The following PLCB4 variants were observed in gnomAD, a reference collection of about 807,000 sequenced individuals.
PLCB4 encodes the protein phospholipase C beta 4.
A neutral mutation model predicts 178.8 loss-of-function variants in PLCB4; 77 were observed. The observed-to-expected ratio is 0.43, with a 90% CI of 0.36 to 0.52. PLCB4 has a LOEUF of 0.52. Among genes scored for constraint, PLCB4 ranks in the 20% least tolerant of loss-of-function variants. The pLI is 0.00. For missense variants in PLCB4, 1,024 were observed against 1,453.4 expected, an observed-to-expected ratio of 0.70 and a Z score of 4.80; for synonymous variants, 496 against 490.8, an observed-to-expected ratio of 1.01 and a Z score of -0.14.
At chr20:9,382,021 A>C (rs2037183382) in intron 13 of PLCB4, among the ~76,000 whole-genome samples, 1 of 152,092 alleles carries the variant, frequency 6.6e-6, no homozygotes, top group Non-Finnish European at 1.5e-5. Flanking sequence ...AGAACTCTCC[A>C]TCTGGATGTT....
chr20:9,319,670 CAG>C (rs138164950), intron 4 of PLCB4, among the ~76,000 whole-genome samples: 4,729 of 152,242 alleles, frequency 0.031, 202 homozygotes, highest in African/African-American at 0.095. Context: ...CAGATCAAGA[CAG>C]AGTGAATTCA....
At chr20:9,087,245 A>G (rs1038313794) in intron 1 of PLCB4, among the ~76,000 whole-genome samples, 19 of 152,210 alleles carry the variant, frequency 1.2e-4, no homozygotes, top group African/African-American at 4.3e-4. Context: ...TGATATTTCT[A>G]TATCTTCTCA....
chr20:9,412,785 G>T (rs907451589), intron 25 of PLCB4, among the ~76,000 whole-genome samples: 3 of 152,154 alleles, frequency 2.0e-5, no homozygotes, highest in Admixed American at 6.5e-5. Flanking sequence ...TTTTCCATCT[G>T]CTGGCGCTCA....
chr20:9,121,371 C>T (rs898348934), intron 2 of PLCB4, among the ~76,000 whole-genome samples: 9 of 152,148 alleles, frequency 5.9e-5, no homozygotes, highest in African/African-American at 1.7e-4. Context: ...CTCTGAACGC[C>T]GCTTACGTGT....
intron 2 of PLCB4, among the ~76,000 whole-genome samples, chr20:9,203,056 A>AAAAAATATATAT (rs769628056): frequency 7.4e-4 from 93 of 126,134 alleles, no homozygotes; most frequent in African/African-American, 3.0e-3. Flanking sequence ...AAAAAAAAAA[A>AAAAAATATATAT]ATATATATAT....
In PLCB4 at chr20:9,338,001, T is replaced by C. The variant is rs2032696093; in HGVS notation, c.166-7T>C. 6.2e-7 allele frequency: 1 copy of C among 1,609,034 alleles called. No homozygotes were observed. Among genetic ancestry groups the C allele is most frequent in the African/African-American group, 1.3e-5 (1 of 74,798 alleles). ...GCTCATTGCTGTGTTGTATTCTCTC[T>C]CTTCAGGAAGGACAGGTGCTAGAAT... On this transcript the variant is annotated splice_region_variant and splice_polypyrimidine_tract_variant and intron_variant, in intron 5 of 39. Transcript: ENST00000378473.
At chr20:9,347,947 G>C (rs145845815) in intron 7 of PLCB4, among the ~76,000 whole-genome samples, 1 of 152,110 alleles carries the variant, frequency 6.6e-6, no homozygotes, top group East Asian at 1.9e-4. Flanking sequence ...GCACTCCAGC[G>C]TGGCAACAGA....
chr20:9,328,157 G>T (rs1043024299), intron 4 of PLCB4, among the ~76,000 whole-genome samples: 5 of 152,162 alleles, frequency 3.3e-5, no homozygotes, highest in African/African-American at 4.8e-5. Context: ...GGTAAATTTA[G>T]CAGGCAGCAA....
chr20:9,278,589 A>G (rs2094469098), intron 3 of PLCB4, among the ~76,000 whole-genome samples: 2 of 152,066 alleles, frequency 1.3e-5, no homozygotes, highest in Non-Finnish European at 2.9e-5. Context: ...GGCATGCTTT[A>G]CTAGATGCTG....
chr20:9,180,127 A>G (rs1157610869), intron 2 of PLCB4, among the ~76,000 whole-genome samples: 1 of 152,212 alleles, frequency 6.6e-6, no homozygotes, highest in Non-Finnish European at 1.5e-5. Context: ...CTGTGCATCA[A>G]AGTAAGAGAA....
At chr20:9,319,070 C>T (rs1045957526) in intron 4 of PLCB4, among the ~76,000 whole-genome samples, 1 of 152,160 alleles carries the variant, frequency 6.6e-6, no homozygotes, top group African/African-American at 2.4e-5. Context: ...TCTCTTTGCA[C>T]ACCTCTTTGG....
At chr20:9,210,045 T>C (rs2093657340) in intron 2 of PLCB4, among the ~76,000 whole-genome samples, 1 of 150,736 alleles carries the variant, frequency 6.6e-6, no homozygotes. Flanking sequence ...AGCTATGAGC[T>C]AATGAATGTG....
At chr20:9,246,962 G>T (rs549664437) in intron 3 of PLCB4, among the ~76,000 whole-genome samples, 1 of 152,210 alleles carries the variant, frequency 6.6e-6, no homozygotes, top group South Asian at 2.1e-4. Context: ...ATTATGAATT[G>T]CAATATAGTA....
intron 2 of PLCB4, among the ~76,000 whole-genome samples, chr20:9,194,240 A>G (rs1464747215): frequency 6.6e-6 from 1 of 152,020 alleles, no homozygotes; most frequent in Non-Finnish European, 1.5e-5. Context: ...CTCAAAATTG[A>G]CTCACTTTGT....
At chr20:9,462,588 G>A (rs1041184320) in intron 35 of PLCB4, among the ~76,000 whole-genome samples, 1 of 152,098 alleles carries the variant, frequency 6.6e-6, no homozygotes, top group African/African-American at 2.4e-5. Flanking sequence ...TGACGGAGCT[G>A]AAAACCATGG....
intron 39 of PLCB4, among the ~76,000 whole-genome samples, chr20:9,477,717 A>C (rs1029886860): frequency 4.6e-5 from 7 of 152,312 alleles, no homozygotes; most frequent in Non-Finnish European, 7.4e-5. Flanking sequence ...GAAAGATTTA[A>C]TTCTTTGGTG....
intron 3 of PLCB4, among the ~76,000 whole-genome samples, chr20:9,224,448 G>A (rs1479258019): frequency 1.3e-5 from 2 of 152,164 alleles, no homozygotes; most frequent in Non-Finnish European, 2.9e-5. Flanking sequence ...GCCTTCCCAA[G>A]CAGTGGGCAA....
chr20:9,170,386 G>A (rs574254887), intron 2 of PLCB4, among the ~76,000 whole-genome samples: 58 of 152,292 alleles, frequency 3.8e-4, no homozygotes, highest in Middle Eastern at 3.4e-3. Context: ...ACTTGGTACA[G>A]ATGTTTTCCA....
chr20:9,093,873 A>G (rs1189600225), intron 1 of PLCB4, among the ~76,000 whole-genome samples: 1 of 152,040 alleles, frequency 6.6e-6, no homozygotes, highest in Non-Finnish European at 1.5e-5. Flanking sequence ...TTAGTGTCAC[A>G]TGGCCCCTTT....
Sources: allele counts gnomAD v4.1 joint callset (sites outside exome capture counted in the v4.1 genomes callset), GRCh38; gene constraint gnomAD v4.1.1; transcripts MANE v1.5; gene names NCBI Gene and HGNC (gene_info 2026-07-23, HGNC 2026-07-21).